Variants in AKAP19 observed in about 807,000 individuals in gnomAD.
AKAP19 encodes small A-kinase anchoring protein.
the AKAP19 span, among the ~76,000 whole-genome samples, chr2:189,973,581 C>G: frequency 2.6e-5 from 4 of 152,094 alleles, no homozygotes; most frequent in African/African-American, 9.7e-5. Flanking sequence ...CCTTGTACCT[C>G]TGGTAGAATT....
the AKAP19 span, among the ~76,000 whole-genome samples, chr2:189,981,298 G>A: frequency 9.6e-6 from 1 of 103,738 alleles, no homozygotes; most frequent in Non-Finnish European, 2.0e-5. Flanking sequence ...TTTTGCTGTT[G>A]TTGGTTTGAA....
At chr2:190,168,809 A>G in the AKAP19 span, among the ~76,000 whole-genome samples, 1 of 152,170 alleles carries the variant, frequency 6.6e-6, no homozygotes, top group African/African-American at 2.4e-5. Flanking sequence ...CTGAGCCTGG[A>G]TTTCATTGTC....
At chr2:189,913,346 G>T in the AKAP19 span, among the ~76,000 whole-genome samples, 1 of 151,800 alleles carries the variant, frequency 6.6e-6, no homozygotes, top group Non-Finnish European at 1.5e-5. Flanking sequence ...CATCAATATT[G>T]GTTTTGTAAT....
chr2:190,013,501 A>G, the AKAP19 span, among the ~76,000 whole-genome samples: 5 of 150,406 alleles, frequency 3.3e-5, no homozygotes, highest in African/African-American at 4.9e-5. Context: ...CTCTTTGTTT[A>G]TTTGTATTTA....
At chr2:190,181,901 A>G in the AKAP19 span, among the ~76,000 whole-genome samples, 11 of 152,318 alleles carry the variant, frequency 7.2e-5, no homozygotes, top group African/African-American at 1.7e-4. Context: ...AACACCTAAC[A>G]TGGCTATCAT....
At chr2:189,907,581 A>G in the AKAP19 span, among the ~76,000 whole-genome samples, 2 of 152,136 alleles carry the variant, frequency 1.3e-5, no homozygotes. Context: ...TACTCACTAG[A>G]AACTAAACTT....
chr2:189,920,977 C>A, the AKAP19 span, among the ~76,000 whole-genome samples: 1 of 152,184 alleles, frequency 6.6e-6, no homozygotes, highest in Non-Finnish European at 1.5e-5. Flanking sequence ...TACTTTATAT[C>A]ATCAGGAAAT....
At chr2:189,962,987 C>A in the AKAP19 span, among the ~76,000 whole-genome samples, 1 of 152,100 alleles carries the variant, frequency 6.6e-6, no homozygotes, top group African/African-American at 2.4e-5. Context: ...TGGAGTCAAT[C>A]TTCTCAAGCC....
chr2:190,029,304 G>C, the AKAP19 span, among the ~76,000 whole-genome samples: 1 of 151,890 alleles, frequency 6.6e-6, no homozygotes, highest in Non-Finnish European at 1.5e-5. Flanking sequence ...TGCCCGCCTC[G>C]GCCTCCGAGA....
the AKAP19 span, among the ~76,000 whole-genome samples, chr2:190,165,241 A>G: frequency 1.8e-4 from 27 of 152,290 alleles, no homozygotes; most frequent in South Asian, 4.6e-3. Context: ...GTTCGAGACT[A>G]GCCTGGAAAA....
chr2:190,093,395 T>C, the AKAP19 span, among the ~76,000 whole-genome samples: 3 of 151,850 alleles, frequency 2.0e-5, no homozygotes, highest in African/African-American at 7.3e-5. Flanking sequence ...ATTGTGCCAC[T>C]GCACTCCAGC....
chr2:190,115,555 G>T, the AKAP19 span, among the ~76,000 whole-genome samples: 3 of 149,778 alleles, frequency 2.0e-5, no homozygotes, highest in Non-Finnish European at 4.4e-5. Flanking sequence ...TCCTGACCTC[G>T]TGATCCGCCC....
chr2:189,949,211 CT>C, the AKAP19 span, among the ~76,000 whole-genome samples: 1 of 152,126 alleles, frequency 6.6e-6, no homozygotes, highest in African/African-American at 2.4e-5. Context: ...TTCCATCTGC[CT>C]TCAGTTGCAG....
At chr2:190,126,012 G>C in the AKAP19 span, among the ~76,000 whole-genome samples, 1 of 151,526 alleles carries the variant, frequency 6.6e-6, no homozygotes, top group African/African-American at 2.4e-5. Context: ...GAGAGTATAG[G>C]CTGGGCACAG....
At chr2:190,108,227 C>A in the AKAP19 span, among the ~76,000 whole-genome samples, 1 of 152,194 alleles carries the variant, frequency 6.6e-6, no homozygotes, top group Non-Finnish European at 1.5e-5. Flanking sequence ...GCAATCTTGG[C>A]CCACTGCAAC....
At chr2:190,066,693 G>C in the AKAP19 span, among the ~76,000 whole-genome samples, 1 of 152,196 alleles carries the variant, frequency 6.6e-6, no homozygotes, top group South Asian at 2.1e-4. Flanking sequence ...ATATTCTTAA[G>C]CTAGGTAGCA....
chr2:189,884,238 T>C, the AKAP19 span, among the ~76,000 whole-genome samples: 2 of 152,138 alleles, frequency 1.3e-5, no homozygotes, highest in Non-Finnish European at 2.9e-5. Flanking sequence ...GCATTTTTGT[T>C]TTTAAAGTGG....
chr2:190,127,446 A>G, the AKAP19 span, among the ~76,000 whole-genome samples: 1 of 152,202 alleles, frequency 6.6e-6, no homozygotes, highest in East Asian at 1.9e-4. Flanking sequence ...TATGGATAAT[A>G]TATCTTGGAC....
chr2:190,088,137 G>T, the AKAP19 span, among the ~76,000 whole-genome samples: 1 of 152,182 alleles, frequency 6.6e-6, no homozygotes, highest in Non-Finnish European at 1.5e-5. Context: ...AAGTGACTTT[G>T]CCAAAGCTTC....
Sources: gnomAD v4.1 joint callset for allele counts (sites outside exome capture counted in the v4.1 genomes callset) on GRCh38, gnomAD v4.1.1 for gene constraint, MANE v1.5 for transcripts, NCBI Gene and HGNC (gene_info 2026-07-23, HGNC 2026-07-21) for gene names.